Variants in CTNNB1 observed in about 807,000 individuals in gnomAD.
CTNNB1 encodes the protein catenin beta 1.
In CTNNB1, 6 loss-of-function variants were observed where a neutral mutation model predicts 82.5. The observed-to-expected ratio is 0.07, with a 90% CI of 0.04 to 0.14. CTNNB1 has a LOEUF of 0.14. Ranked by LOEUF, CTNNB1 falls within the 10% of genes least tolerant of loss-of-function variation. The probability of loss-of-function intolerance (pLI) is 1.00; values close to 1 mark genes in which losing one functional copy is unlikely to be tolerated. For missense variants in CTNNB1, 529 were observed against 980.4 expected, an observed-to-expected ratio of 0.54 and a Z score of 6.15; for synonymous variants, 312 against 329.7, an observed-to-expected ratio of 0.95 and a Z score of 0.58.
At chr3:41,226,547 G>T (rs1277769775) in intron 6 of CTNNB1, among the ~76,000 whole-genome samples, 1 of 152,122 alleles carries the variant, frequency 6.6e-6, no homozygotes, top group African/African-American at 2.4e-5. Context: ...GGAAAGTTTT[G>T]GGAATTTAAG....
At chr3:41,223,587 A>C (rs2078102995) in intron 1 of CTNNB1, among the ~76,000 whole-genome samples, 1 of 152,248 alleles carries the variant, frequency 6.6e-6, no homozygotes, top group African/African-American at 2.4e-5. Flanking sequence ...GAAAATGTGG[A>C]GTTTTTAAAA....
intron 14 of CTNNB1, among the ~76,000 whole-genome samples, chr3:41,238,919 G>T (rs1050876959): frequency 6.6e-6 from 1 of 152,220 alleles, no homozygotes; most frequent in Non-Finnish European, 1.5e-5. Flanking sequence ...GATGGAAATA[G>T]ATGTTATTTG....
Position 41,225,099 on chromosome 3 carries a change from A to T in CTNNB1, c.387A>T (p.Ser129=), listed in dbSNP as rs2125620570. ...ATGTCCAGCGTTTGGCTGAACCATC[A>T]CAGATGCTGAAACATGCAGTTGTAA... ...PTNVQRLAEP[S]QMLKHAVVNL... is the part of the protein sequence containing the mutation. The change falls in exon 4 of 15, where the codon TCA becomes TCT. Residue 129 remains serine, a synonymous_variant. Transcript: ENST00000349496. The surrounding 1 kb of genome is among the most constrained non-coding windows in gnomAD (Gnocchi z 5.3). 6.2e-7 allele frequency: 1 copy of T among 1,614,110 alleles called. No individual in the cohort carries two copies. The highest frequency in any genetic ancestry group is 8.5e-7 in the Non-Finnish European group (1 of 1,179,992).
Position 41,239,732 on chromosome 3 carries a change from T to G in CTNNB1, c.*390T>G, listed in dbSNP as rs2078529903. On this transcript the variant is annotated 3_prime_UTR_variant, in exon 15 of 15. Coordinates refer to ENST00000349496, the MANE Select transcript of CTNNB1 (RefSeq NM_001904.4). The stretch of plus-strand genomic sequence containing the variant: ...AGGGCTCGAGGGGTGGGCTGGTATC[T>G]CAGAAAGTGCCTGACACACTAACCA... The G allele has an allele frequency of 2.7e-6, 1 of 364,982 alleles. No homozygotes were observed. Among genetic ancestry groups the G allele is most frequent in the Non-Finnish European group, 5.1e-6 (1 of 196,616 alleles). The allele number at this position is 364,982 out of a possible 1,614,324, so 22.6% of individuals were successfully genotyped here.
chr3:41,236,305 T>A, intron 11 of CTNNB1, 44 bp from the exon 12 acceptor site: 1 of 1,613,284 alleles, frequency 6.2e-7, no homozygotes, highest in African/African-American at 1.3e-5. Flanking sequence ...TTGCCATGTT[T>A]TAGCTTTAGA....
chr3:41,237,947 AAATT>A (rs2078478495), intron 13 of CTNNB1, 65 bp from the exon 14 acceptor site: 3 of 1,330,594 alleles, frequency 2.3e-6, no homozygotes, highest in Non-Finnish European at 1.1e-6. Context: ...GCTTTAAAAA[AAATT>A]AGTGTACTTT....
intron 1 of CTNNB1, among the ~76,000 whole-genome samples, chr3:41,206,173 T>G (rs2077643765): frequency 6.6e-6 from 1 of 152,234 alleles, no homozygotes; most frequent in African/African-American, 2.4e-5. Flanking sequence ...GACTAATTCT[T>G]TTTAACTGAC....
At chr3:41,214,267 A>T (rs886876920) in intron 1 of CTNNB1, among the ~76,000 whole-genome samples, 1 of 152,126 alleles carries the variant, frequency 6.6e-6, no homozygotes, top group Admixed American at 6.5e-5. Context: ...CCTCTGATAG[A>T]GAACCTCTTG....
rs1407129927 is a variant in CTNNB1 at position 41,210,913 on chromosome 3, C to G, written c.-49+11243C>G. The G allele has an allele frequency of 7.4e-6, 3 of 404,318 alleles. No individual in the cohort carries two copies. In the Admixed American group the frequency reaches 8.0e-5, roughly 11 times the overall value. 25.0% of individuals were successfully genotyped at this position (404,318 alleles called of 1,614,324 possible). ...CAAGTGATCCTCCTACCTCAGCCTCCCAAGTAGCTGGGACTACACCAGGCA... is the reference window on the plus strand; with the variant it reads ...CAAGTGATCCTCCTACCTCAGCCTCGCAAGTAGCTGGGACTACACCAGGCA... On this transcript the variant is annotated intron_variant, in intron 1 of 14. Transcript: ENST00000349496.
chr3:41,222,484 GC>G (rs1477351909), intron 1 of CTNNB1: 46 of 152,130 alleles, frequency 3.0e-4, no homozygotes, highest in African/African-American at 1.1e-3. Context: ...TATTTATGTT[GC>G]ATAAATTTTA....
At position 41,239,421 on chromosome 3, in the gene CTNNB1, C is replaced by A. The variant is rs2078520841; in HGVS notation, c.*79C>A. The A allele has an allele frequency of 7.4e-7, 1 of 1,344,046 alleles. No individual in the cohort carries two copies. Among genetic ancestry groups the A allele is most frequent in the East Asian group, 2.5e-5 (1 of 40,394 alleles). The allele number at this position is 1,344,046 out of a possible 1,614,324, so 83.3% of individuals were successfully genotyped here. A position where few individuals can be genotyped will look rare whatever the true frequency, so the allele number is the denominator to read the frequency against. On this transcript the variant is annotated 3_prime_UTR_variant, in exon 15 of 15. Coordinates refer to ENST00000349496, the MANE Select transcript of CTNNB1 (RefSeq NM_001904.4). Reference sequence around the variant, plus strand: ...CTCTGCCTACAGAACTTCAGAAAGACTTGGTTGGTAGGGTGGGAGTGGTTT... The same window carrying A: ...CTCTGCCTACAGAACTTCAGAAAGAATTGGTTGGTAGGGTGGGAGTGGTTT...
intron 9 of CTNNB1, 85 bp from the exon 10 acceptor site, chr3:41,234,054 A>G (rs1053598181): frequency 1.3e-5 from 21 of 1,566,166 alleles, no homozygotes; most frequent in Non-Finnish European, 1.8e-5. Context: ...TTTAGTTGAT[A>G]CCAATAGATT....
rs2125624948 is a variant in CTNNB1, at chr3:41,225,858, C to T, written c.933C>T (p.Ser311=). The T allele has an allele frequency of 6.2e-7, 1 of 1,611,728 alleles. No individual in the cohort carries two copies. Among genetic ancestry groups the T allele is most frequent in the Non-Finnish European group, 8.5e-7 (1 of 1,178,400 alleles). ...TTTTAGCTTATGGCAACCAAGAAAG[C>T]AAGGTAAGAGAATTATTCTTTATGT... is the stretch of plus-strand genomic sequence containing the variant. ...LQILAYGNQE[S]KLIILASGGP... Residue 311 remains serine, a synonymous_variant, in exon 6 of 15, where the codon AGC becomes AGT. Transcript: ENST00000349496. The surrounding 1 kb of genome is among the most constrained non-coding windows in gnomAD (Gnocchi z 5.3).
At chr3:41,216,048 G>A (rs1250267592) in intron 1 of CTNNB1, among the ~76,000 whole-genome samples, 1 of 152,168 alleles carries the variant, frequency 6.6e-6, no homozygotes, top group Non-Finnish European at 1.5e-5. Context: ...TGATTAGATT[G>A]AAAGGGTACA....
At chr3:41,237,833 GA>G (rs961921403) in intron 13 of CTNNB1, 182 bp from the exon 14 acceptor site, 102 of 584,902 alleles carry the variant, frequency 1.7e-4, no homozygotes, top group Non-Finnish European at 2.1e-4. Flanking sequence ...GGTGCAAAGA[GA>G]AAAAAAAATG....
At chr3:41,212,464 T>C (rs544499473) in intron 1 of CTNNB1, among the ~76,000 whole-genome samples, 68 of 152,332 alleles carry the variant, frequency 4.5e-4, no homozygotes, top group African/African-American at 1.5e-3. Flanking sequence ...TACAATTCCA[T>C]TGAACTTGCT....
chr3:41,227,185 GATAT>G lies in CTNNB1; in HGVS notation c.937-12_937-9del, dbSNP rs139158008. The G allele has an allele frequency of 5.2e-6, 8 of 1,547,524 alleles. No homozygotes were observed. The highest frequency in any genetic ancestry group is 1.4e-5 in the African/African-American group (1 of 73,208). ...GTGATCAAGATTCCTTGACTAACAA[GATAT>G]ATATATATATCTTTCTAGCTCATCA... is the stretch of plus-strand genomic sequence containing the variant. On this transcript the variant is annotated intron_variant, in intron 6 of 14. Coordinates refer to ENST00000349496, the MANE Select transcript of CTNNB1 (RefSeq NM_001904.4).
At chr3:41,218,609 A>G (rs1453111762) in intron 1 of CTNNB1, among the ~76,000 whole-genome samples, 1 of 152,258 alleles carries the variant, frequency 6.6e-6, no homozygotes, top group Non-Finnish European at 1.5e-5. Flanking sequence ...TAAAATGGGT[A>G]TAAAAGTGTC....
At chr3:41,234,067 G>A in intron 9 of CTNNB1, 72 bp from the exon 10 acceptor site, 1 of 1,589,082 alleles carries the variant, frequency 6.3e-7, no homozygotes, top group Non-Finnish European at 8.6e-7. Context: ...AATAGATTTA[G>A]TGTGGTGGGA....
Sources: gnomAD v4.1 joint callset for allele counts (sites outside exome capture counted in the v4.1 genomes callset) on GRCh38, gnomAD v4.1.1 for gene constraint, Gnocchi (gnomAD v3.1) non-coding constraint, MANE v1.5 for transcripts, NCBI Gene and HGNC (gene_info 2026-07-23, HGNC 2026-07-21) for gene names.